RGS7: variants seen among roughly 807,000 people sequenced by gnomAD.
RGS7 encodes the protein regulator of G-protein signaling 7.
RGS7 carries 27 observed loss-of-function variants against 81.1 expected under a neutral mutation model. That is an observed-to-expected ratio of 0.33 (90% confidence interval 0.25 to 0.46). The LOEUF (loss-of-function observed/expected upper bound fraction) is 0.46. Ranked by LOEUF, RGS7 falls within the 20% of genes least tolerant of loss-of-function variation. The probability of loss-of-function intolerance (pLI) is 1.00; values close to 1 mark genes in which losing one functional copy is unlikely to be tolerated. For missense variants in RGS7, 396 were observed against 607.4 expected (o/e 0.65, Z 3.66); for synonymous variants, 208 against 207.7 (o/e 1.00, Z -0.01).
rs147837717 is a variant in RGS7 at position 241,347,662 on chromosome 1, C to T, written c.78+8037G>A. On this transcript the variant is annotated intron_variant, in intron 2 of 18. Transcript: ENST00000440928. ...TTCAACATCAGCAAATCATCTGAGG[C>T]CCCATAAACACCCTGCACAGTACAT... 1.3e-3 allele frequency among the ~76,000 whole-genome samples: 203 copies of T among 152,158 alleles called. 1 individual carries two copies. The highest frequency in any genetic ancestry group is 4.6e-3 in the African/African-American group (192 of 41,498).
At chr1:241,089,376 G>A (rs115871249) in intron 3 of RGS7, among the ~76,000 whole-genome samples, 3 of 151,404 alleles carry the variant, frequency 2.0e-5, no homozygotes, top group South Asian at 2.1e-4. Context: ...ATTATTCTGA[G>A]GTAAAGGCAA....
chr1:241,355,669 C>T (rs948565890), intron 2 of RGS7, 30 bp downstream of exon 2: 10 of 1,597,368 alleles, frequency 6.3e-6, no homozygotes, highest in Admixed American at 3.3e-5. Flanking sequence ...GGAAGTTTCC[C>T]GTTTTCCAAG....
At chr1:240,932,724 G>A (rs1167964559) in intron 5 of RGS7, among the ~76,000 whole-genome samples, 1 of 150,748 alleles carries the variant, frequency 6.6e-6, no homozygotes, top group Non-Finnish European at 1.5e-5. Flanking sequence ...TAGCCAGGAT[G>A]GTCTCGATCT....
chr1:240,971,725 A>G (rs1036183224), intron 4 of RGS7, among the ~76,000 whole-genome samples: 16 of 152,356 alleles, frequency 1.1e-4, no homozygotes, highest in Non-Finnish European at 2.4e-4. Flanking sequence ...GACTTCTTGC[A>G]TATTATCATC....
At chr1:241,289,455 TCAC>T (rs1226010586) in intron 2 of RGS7, among the ~76,000 whole-genome samples, 2 of 152,220 alleles carry the variant, frequency 1.3e-5, no homozygotes, top group Non-Finnish European at 2.9e-5. Flanking sequence ...CCGATAGTGC[TCAC>T]CACATTTTAT....
chr1:240,850,709 GAA>G (rs1659946442), intron 9 of RGS7, among the ~76,000 whole-genome samples: 1 of 152,106 alleles, frequency 6.6e-6, no homozygotes, highest in Non-Finnish European at 1.5e-5. Context: ...TGAATGCAAA[GAA>G]AAAGTTCTTC....
At chr1:240,933,986 T>C (rs545140909) in intron 5 of RGS7, among the ~76,000 whole-genome samples, 1 of 149,200 alleles carries the variant, frequency 6.7e-6, no homozygotes, top group East Asian at 1.9e-4. Flanking sequence ...TATTTTGAGA[T>C]GGAGTCTCGC....
chr1:241,331,261 A>G (rs1489509854), intron 2 of RGS7, among the ~76,000 whole-genome samples: 1 of 152,178 alleles, frequency 6.6e-6, no homozygotes, highest in East Asian at 1.9e-4. Flanking sequence ...CTTCATTTTG[A>G]GGAAGAAGAA....
chr1:240,929,079 TTC>T (rs1336540658), intron 6 of RGS7, among the ~76,000 whole-genome samples: 2 of 152,204 alleles, frequency 1.3e-5, no homozygotes, highest in African/African-American at 4.8e-5. Flanking sequence ...TCAATATGAT[TTC>T]TGTTTGAAAA....
chr1:240,866,457 G>A (rs761266483), intron 9 of RGS7, among the ~76,000 whole-genome samples: 1 of 151,478 alleles, frequency 6.6e-6, no homozygotes, highest in Admixed American at 6.6e-5. Context: ...CTTGCAGTGA[G>A]CTGAGATTGA....
chr1:241,303,920 T>C (rs761383538), intron 2 of RGS7, among the ~76,000 whole-genome samples: 3 of 152,210 alleles, frequency 2.0e-5, no homozygotes, highest in Non-Finnish European at 4.4e-5. Flanking sequence ...GTGGTGCACG[T>C]CCATCAGAAG....
chr1:241,160,110 C>CAAAAAA (rs369734662), intron 2 of RGS7, among the ~76,000 whole-genome samples: 354 of 52,352 alleles, frequency 6.8e-3, no homozygotes, highest in East Asian at 9.5e-3. Context: ...GACTCCATCT[C>CAAAAAA]AAAAAAAAAA....
At chr1:241,355,322 C>T (rs2083491734) in intron 2 of RGS7, among the ~76,000 whole-genome samples, 1 of 152,150 alleles carries the variant, frequency 6.6e-6, no homozygotes. Context: ...ATGTGATATG[C>T]TTATATCATT....
At chr1:241,178,544 G>A (rs114305904) in intron 2 of RGS7, among the ~76,000 whole-genome samples, 2,117 of 152,206 alleles carry the variant, frequency 0.014, 53 homozygotes, top group African/African-American at 0.048. Flanking sequence ...GACCAAGAAA[G>A]TAGAAGGAAA....
intron 6 of RGS7, among the ~76,000 whole-genome samples, chr1:240,902,062 T>A (rs1163194123): frequency 6.6e-6 from 1 of 152,226 alleles, no homozygotes; most frequent in Non-Finnish European, 1.5e-5. Context: ...AAAGGCTGCT[T>A]TCCTTTAGGA....
At chr1:241,010,923 T>G (rs1245696983) in intron 3 of RGS7, among the ~76,000 whole-genome samples, 1 of 152,194 alleles carries the variant, frequency 6.6e-6, no homozygotes, top group Non-Finnish European at 1.5e-5. Flanking sequence ...TCTGTCAATA[T>G]GGCCCCGTGC....
intron 3 of RGS7, among the ~76,000 whole-genome samples, chr1:241,065,790 A>G (rs748062783): frequency 6.6e-6 from 1 of 152,214 alleles, no homozygotes; most frequent in Non-Finnish European, 1.5e-5. Flanking sequence ...CATGTAATAC[A>G]CTTTATTTAT....
chr1:240,797,977 G>A (rs1031287327), intron 18 of RGS7, among the ~76,000 whole-genome samples: 1 of 152,132 alleles, frequency 6.6e-6, no homozygotes, highest in Non-Finnish European at 1.5e-5. Context: ...AAAAGAATAA[G>A]AATAATCTAT....
intron 3 of RGS7, among the ~76,000 whole-genome samples, chr1:241,064,544 T>C: frequency 6.6e-6 from 1 of 151,814 alleles, no homozygotes; most frequent in East Asian, 1.9e-4. Flanking sequence ...GTTGCACCAC[T>C]GCATTCATAC....
Sources: allele counts gnomAD v4.1 joint callset (sites outside exome capture counted in the v4.1 genomes callset), GRCh38; gene constraint gnomAD v4.1.1; transcripts MANE v1.5; gene names NCBI Gene and HGNC (gene_info 2026-07-23, HGNC 2026-07-21).